The following WDR41 variants were observed in gnomAD, a reference collection of about 807,000 sequenced individuals.
WDR41 encodes the protein WD repeat domain 41.
WDR41 carries 63 observed loss-of-function variants against 69.3 expected under a neutral mutation model. The observed-to-expected ratio is 0.91, with a 90% CI of 0.74 to 1.12. WDR41 has a LOEUF of 1.12. WDR41 is among the 50% of genes most tolerant of loss of function. The probability of loss-of-function intolerance (pLI) is 0.00; values close to 1 mark genes in which losing one functional copy is unlikely to be tolerated. For synonymous variants in WDR41, 185 were observed against 192.1 expected, an observed-to-expected ratio of 0.96 and a Z score of 0.31; for missense variants, 543 against 534.5, an observed-to-expected ratio of 1.02 and a Z score of -0.16.
intron 2 of WDR41, among the ~76,000 whole-genome samples, chr5:77,467,716 G>A (rs973473622): frequency 2.0e-5 from 3 of 151,964 alleles, no homozygotes; most frequent in African/African-American, 7.2e-5. Context: ...ATGAATAAGT[G>A]AATGCATAAG....
At chr5:77,508,947 A>C (rs1561210162) in intron 1 of WDR41, among the ~76,000 whole-genome samples, 1 of 152,096 alleles carries the variant, frequency 6.6e-6, no homozygotes, top group Non-Finnish European at 1.5e-5. Flanking sequence ...GGTCTCCATT[A>C]ATTGCTGGCT....
At chr5:77,530,681 T>C (rs998824881) in intron 1 of WDR41, among the ~76,000 whole-genome samples, 1 of 151,770 alleles carries the variant, frequency 6.6e-6, no homozygotes, top group Non-Finnish European at 1.5e-5. Flanking sequence ...TATATGGTCA[T>C]ATGTAGCTGT....
intron 2 of WDR41, among the ~76,000 whole-genome samples, chr5:77,465,305 T>G (rs1486211380): frequency 6.6e-6 from 1 of 152,158 alleles, no homozygotes; most frequent in Non-Finnish European, 1.5e-5. Context: ...TTTGGAAGAT[T>G]TGAGGATTTT....
At chr5:77,434,372 A>C (rs763050360) in intron 12 of WDR41, among the ~76,000 whole-genome samples, 74 of 152,252 alleles carry the variant, frequency 4.9e-4, no homozygotes, top group Non-Finnish European at 9.0e-4. Flanking sequence ...CCACAGGATA[A>C]GACTCAGCTG....
At chr5:77,506,122 T>G (rs1802101973) in intron 1 of WDR41, among the ~76,000 whole-genome samples, 2 of 152,046 alleles carry the variant, frequency 1.3e-5, no homozygotes, top group Non-Finnish European at 2.9e-5. Flanking sequence ...GCGAGAAAAT[T>G]TTTGCAATCT....
chr5:77,574,626 G>T (rs1331759470), intron 1 of WDR41, among the ~76,000 whole-genome samples: 4 of 152,130 alleles, frequency 2.6e-5, no homozygotes, highest in African/African-American at 9.7e-5. Flanking sequence ...TTTTCTGCTG[G>T]TATAAATAGT....
rs148101020 is a variant in WDR41 at position 77,572,234 on chromosome 5, T to G, written c.42+48245A>C. On this transcript the variant is annotated intron_variant, in intron 1 of 5. Transcript: ENST00000509971. ...CATTGTATGATACACTACTTTTTCA[T>G]GTCATTCTACCCACTTCGCAAAAGA... 2.6e-5 allele frequency among the ~76,000 whole-genome samples: 4 copies of G among 152,314 alleles called. No homozygotes were observed. The East Asian group carries it at 7.7e-4, about 29-fold the overall frequency.
At chr5:77,607,982 C>T (rs1326220940) in intron 1 of WDR41, among the ~76,000 whole-genome samples, 1 of 152,100 alleles carries the variant, frequency 6.6e-6, no homozygotes, top group African/African-American at 2.4e-5. Context: ...AAATTTACCA[C>T]CTTATGTATT....
At chr5:77,459,741 T>C (rs927740027) in intron 4 of WDR41, among the ~76,000 whole-genome samples, 1 of 152,250 alleles carries the variant, frequency 6.6e-6, no homozygotes, top group African/African-American at 2.4e-5. Context: ...TTTACATACA[T>C]GTATGTACTA....
chr5:77,504,130 C>G (rs1347799027), intron 1 of WDR41, among the ~76,000 whole-genome samples: 1 of 148,558 alleles, frequency 6.7e-6, no homozygotes, highest in African/African-American at 2.5e-5. Context: ...AGACTGCTAG[C>G]AAGACTAATA....
At chr5:77,451,178 G>C in intron 7 of WDR41, 113 bp downstream of exon 7, 2 of 921,662 alleles carry the variant, frequency 2.2e-6, no homozygotes, top group Non-Finnish European at 3.4e-6. Flanking sequence ...ATCCCAAGAA[G>C]CCAAGAGTGG....
intron 1 of WDR41, among the ~76,000 whole-genome samples, chr5:77,540,286 G>T (rs886881286): frequency 6.6e-6 from 1 of 152,156 alleles, no homozygotes; most frequent in African/African-American, 2.4e-5. Context: ...ACCCCAACTG[G>T]TCTTGTCTCA....
chr5:77,607,368 A>G (rs1310293282), intron 1 of WDR41, among the ~76,000 whole-genome samples: 1 of 152,226 alleles, frequency 6.6e-6, no homozygotes, highest in Non-Finnish European at 1.5e-5. Flanking sequence ...GAAATTAATG[A>G]CTATTTCCAT....
At chr5:77,487,243 G>A (rs1300410280) in intron 2 of WDR41, among the ~76,000 whole-genome samples, 1 of 152,162 alleles carries the variant, frequency 6.6e-6, no homozygotes, top group Non-Finnish European at 1.5e-5. Context: ...TAACACCCAA[G>A]TATTAGTGAT....
intron 1 of WDR41, among the ~76,000 whole-genome samples, chr5:77,539,898 C>T (rs1285466592): frequency 1.3e-5 from 2 of 152,142 alleles, no homozygotes; most frequent in African/African-American, 2.4e-5. Flanking sequence ...TGGTACCTAA[C>T]CACCCTCCCA....
chr5:77,619,832 A>G (rs1561242312), intron 1 of WDR41, among the ~76,000 whole-genome samples: 1 of 152,128 alleles, frequency 6.6e-6, no homozygotes, highest in Non-Finnish European at 1.5e-5. Context: ...GGCTTCGCAT[A>G]GGAGAAGTCA....
chr5:77,442,906 A>G (rs1390351641), intron 8 of WDR41, among the ~76,000 whole-genome samples: 2 of 148,504 alleles, frequency 1.3e-5, no homozygotes, highest in Non-Finnish European at 3.0e-5. Flanking sequence ...AAAAAAAAAA[A>G]AAAAAAAGGA....
At chr5:77,518,792 A>G (rs1052647952) in intron 1 of WDR41, among the ~76,000 whole-genome samples, 4 of 152,148 alleles carry the variant, frequency 2.6e-5, no homozygotes, top group Non-Finnish European at 5.9e-5. Context: ...TTTCAAGGAT[A>G]CTACTTTCAG....
At position 77,508,866 on chromosome 5, in the gene WDR41, G is replaced by A. The variant is rs556726836; in HGVS notation, c.43-19294C>T. 3.9e-5 allele frequency among the ~76,000 whole-genome samples: 6 copies of A among 152,252 alleles called. No individual in the cohort carries two copies. In the South Asian group the frequency reaches 6.2e-4, roughly 16 times the overall value. Reference sequence around the variant, plus strand: ...TCCTTAGGCATGGGACAGTCACCCTGGAATGACTGATCTTAGCAGGGCTCT... The same window carrying A: ...TCCTTAGGCATGGGACAGTCACCCTAGAATGACTGATCTTAGCAGGGCTCT... On this transcript the variant is annotated intron_variant, in intron 1 of 5. Transcript: ENST00000509971.
Sources: gnomAD v4.1 joint callset for allele counts (sites outside exome capture counted in the v4.1 genomes callset) on GRCh38, gnomAD v4.1.1 for gene constraint, MANE v1.5 for transcripts, NCBI Gene and HGNC (gene_info 2026-07-23, HGNC 2026-07-21) for gene names.